LRMDA: variants seen among roughly 807,000 people sequenced by gnomAD.
The protein encoded by LRMDA is leucine-rich melanocyte differentiation-associated protein.
In LRMDA, 18 loss-of-function variants were observed where a neutral mutation model predicts 29.8. The ratio of observed to expected loss-of-function variants is 0.60; its 90% confidence interval spans 0.42 to 0.90. The LOEUF (loss-of-function observed/expected upper bound fraction) is 0.90. LRMDA is among the 40% of genes least tolerant of loss of function. The pLI, the probability that LRMDA is intolerant of heterozygous loss-of-function variation, is 0.00. For synonymous variants in LRMDA, 125 were observed against 109.4 expected (o/e 1.14, Z -0.89); for missense variants, 273 against 273.9 (o/e 1.00, Z 0.02).
At chr10:76,483,363 C>A (rs1461562307) in intron 6 of LRMDA, among the ~76,000 whole-genome samples, 2 of 151,956 alleles carry the variant, frequency 1.3e-5, no homozygotes, top group Admixed American at 1.3e-4. Context: ...CTCTTTGTTA[C>A]TGGCAGCTCC....
chr10:75,641,740 C>T (rs891218899), intron 2 of LRMDA, among the ~76,000 whole-genome samples: 8 of 151,940 alleles, frequency 5.3e-5, no homozygotes, highest in South Asian at 2.1e-4. Flanking sequence ...AAGCCCTTGC[C>T]GTGATTTAGA....
intron 2 of LRMDA, among the ~76,000 whole-genome samples, chr10:75,825,212 A>G (rs1257987718): frequency 1.3e-5 from 2 of 152,030 alleles, no homozygotes; most frequent in African/African-American, 4.8e-5. Context: ...ACGCCTCCTT[A>G]AAAATCTCTT....
At chr10:75,604,143 C>CTT (rs201996741) in intron 2 of LRMDA, among the ~76,000 whole-genome samples, 18 of 151,420 alleles carry the variant, frequency 1.2e-4, no homozygotes, top group African/African-American at 4.1e-4. Flanking sequence ...GTTAACCATT[C>CTT]TTTTTTTTTG....
intron 6 of LRMDA, among the ~76,000 whole-genome samples, chr10:76,350,011 A>G (rs985805934): frequency 6.6e-6 from 1 of 152,130 alleles, no homozygotes; most frequent in African/African-American, 2.4e-5. Context: ...TCAAAAGAAA[A>G]AGAAACCGAC....
At chr10:75,563,506 T>G (rs1589186115) in intron 2 of LRMDA, among the ~76,000 whole-genome samples, 1 of 152,174 alleles carries the variant, frequency 6.6e-6, no homozygotes, top group South Asian at 2.1e-4. Context: ...TAGTTTGATC[T>G]TCTGAAGCCT....
At chr10:76,397,232 G>A (rs910185043) in intron 6 of LRMDA, among the ~76,000 whole-genome samples, 1 of 152,274 alleles carries the variant, frequency 6.6e-6, no homozygotes. Context: ...GGGTGGAGAA[G>A]GAGGCCGGGC....
intron 2 of LRMDA, among the ~76,000 whole-genome samples, chr10:75,653,338 A>G (rs1325262832): frequency 1.3e-5 from 2 of 152,182 alleles, no homozygotes; most frequent in Non-Finnish European, 2.9e-5. Flanking sequence ...GAAACTGCTA[A>G]TTGTCACTTC....
intron 2 of LRMDA, among the ~76,000 whole-genome samples, chr10:75,546,940 A>G (rs2132052423): frequency 6.6e-6 from 1 of 152,292 alleles, no homozygotes; most frequent in Middle Eastern, 3.4e-3. Flanking sequence ...ACAGATGGAA[A>G]AACTTAGGTT....
intron 5 of LRMDA, among the ~76,000 whole-genome samples, chr10:76,176,912 T>G (rs10458662): frequency 0.18 from 28,110 of 152,140 alleles, 3,076 homozygotes; most frequent in East Asian, 0.52. Context: ...ACGTAATACC[T>G]GTTTCTTCCA....
At chr10:75,913,200 T>C (rs1028744690) in intron 2 of LRMDA, among the ~76,000 whole-genome samples, 2 of 152,208 alleles carry the variant, frequency 1.3e-5, no homozygotes, top group Admixed American at 6.5e-5. Context: ...GGCTCAGGCC[T>C]GTAATCCCAG....
intron 2 of LRMDA, among the ~76,000 whole-genome samples, chr10:75,983,113 CA>C (rs1247499762): frequency 6.6e-6 from 1 of 152,116 alleles, no homozygotes; most frequent in Non-Finnish European, 1.5e-5. Context: ...CACTTGAAGG[CA>C]GGGGGGAGCT....
intron 2 of LRMDA, among the ~76,000 whole-genome samples, chr10:75,905,802 C>T (rs1211243525): frequency 6.6e-6 from 1 of 152,172 alleles, no homozygotes; most frequent in African/African-American, 2.4e-5. Flanking sequence ...CTGTTGCCAT[C>T]GTCATGCCTT....
At chr10:76,355,566 A>G (rs1030943025) in intron 6 of LRMDA, among the ~76,000 whole-genome samples, 1 of 152,172 alleles carries the variant, frequency 6.6e-6, no homozygotes, top group African/African-American at 2.4e-5. Context: ...CTTCTCTCAC[A>G]TAGGTATTTA....
chr10:76,075,258 G>A (rs1848938941), intron 5 of LRMDA, among the ~76,000 whole-genome samples: 1 of 152,218 alleles, frequency 6.6e-6, no homozygotes, highest in South Asian at 2.1e-4. Flanking sequence ...AGACTGTTAA[G>A]GTGGGCCCTA....
At chr10:75,654,096 G>A (rs1294286525) in intron 2 of LRMDA, among the ~76,000 whole-genome samples, 1 of 152,180 alleles carries the variant, frequency 6.6e-6, no homozygotes, top group Non-Finnish European at 1.5e-5. Flanking sequence ...TTGGCGGAGG[G>A]ATGGGCTAAT....
At chr10:75,740,599 A>T (rs1295221601) in intron 2 of LRMDA, among the ~76,000 whole-genome samples, 1 of 152,132 alleles carries the variant, frequency 6.6e-6, no homozygotes, top group Non-Finnish European at 1.5e-5. Context: ...TGGCATGAGC[A>T]CTCAGGCCCC....
intron 2 of LRMDA, among the ~76,000 whole-genome samples, chr10:75,913,813 G>A (rs897562465): frequency 6.6e-6 from 1 of 152,294 alleles, no homozygotes; most frequent in East Asian, 1.9e-4. Flanking sequence ...AGAACGTCCT[G>A]GAGCCCCTGA....
At chr10:75,671,393 C>A (rs1282019789) in intron 2 of LRMDA, among the ~76,000 whole-genome samples, 2 of 152,194 alleles carry the variant, frequency 1.3e-5, no homozygotes, top group East Asian at 3.9e-4. Context: ...CTCCTCTTAC[C>A]AAGATTTCTT....
At chr10:75,662,024 T>C (rs940229195) in intron 2 of LRMDA, among the ~76,000 whole-genome samples, 1 of 152,110 alleles carries the variant, frequency 6.6e-6, no homozygotes, top group Non-Finnish European at 1.5e-5. Flanking sequence ...AACCTGGAGA[T>C]AAGAAACAGA....
Sources: gnomAD v4.1 joint callset for allele counts (sites outside exome capture counted in the v4.1 genomes callset) on GRCh38, gnomAD v4.1.1 for gene constraint, MANE v1.5 for transcripts, NCBI Gene and HGNC (gene_info 2026-07-23, HGNC 2026-07-21) for gene names.